Variants in TMEFF1 observed in about 807,000 individuals in gnomAD.
TMEFF1 encodes the protein transmembrane protein with EGF like and two follistatin like domains 1.
In TMEFF1, 20 loss-of-function variants were observed where a neutral mutation model predicts 47.5. That is an observed-to-expected ratio of 0.42 (90% CI 0.30 to 0.61). The LOEUF (loss-of-function observed/expected upper bound fraction) is 0.61, where lower values mean the gene tolerates loss of function less well. Ranked by LOEUF, TMEFF1 falls within the 20% of genes least tolerant of loss-of-function variation. The pLI, the probability that TMEFF1 is intolerant of heterozygous loss-of-function variation, is 0.19. For missense variants in TMEFF1, 411 were observed against 471.1 expected, an observed-to-expected ratio of 0.87 and a Z score of 1.18; for synonymous variants, 162 against 166.3, an observed-to-expected ratio of 0.97 and a Z score of 0.20.
chr9:100,496,755 G>A (rs537762091), intron 1 of TMEFF1, among the ~76,000 whole-genome samples: 121 of 152,298 alleles, frequency 7.9e-4, no homozygotes, highest in Admixed American at 1.8e-3. Flanking sequence ...ATAACTCAGA[G>A]TATTATCTTG....
chr9:100,518,637 C>A, intron 5 of TMEFF1: 1 of 323,024 alleles, frequency 3.1e-6, no homozygotes, highest in Non-Finnish European at 4.5e-6. Context: ...TTTGATCCTT[C>A]TATGGAAAGA....
intron 1 of TMEFF1, among the ~76,000 whole-genome samples, chr9:100,490,482 T>A (rs954402619): frequency 6.6e-6 from 1 of 152,200 alleles, no homozygotes; most frequent in South Asian, 2.1e-4. Context: ...GTTGAAGTCA[T>A]ATCTGGGAAA....
At chr9:100,512,314 G>A (rs571552860) in intron 3 of TMEFF1, among the ~76,000 whole-genome samples, 1 of 152,110 alleles carries the variant, frequency 6.6e-6, no homozygotes, top group Admixed American at 6.5e-5. Flanking sequence ...TTTTACAATG[G>A]GTACTGCATA....
At chr9:100,542,596 A>G (rs752435353) in intron 5 of TMEFF1, among the ~76,000 whole-genome samples, 3 of 152,200 alleles carry the variant, frequency 2.0e-5, no homozygotes, top group Non-Finnish European at 2.9e-5. Context: ...GCTATAAACA[A>G]TTTGGCTTCA....
chr9:100,481,401 A>T (rs1429197940), intron 1 of TMEFF1, among the ~76,000 whole-genome samples: 4 of 152,218 alleles, frequency 2.6e-5, no homozygotes, highest in African/African-American at 7.2e-5. Context: ...CTGAACATAG[A>T]TGAATGAACA....
rs992584958 is a variant in TMEFF1 at position 100,526,822 on chromosome 9, T to C, written c.560+10051T>C. Among the ~76,000 whole-genome samples the C allele has an allele frequency of 3.3e-5, 5 of 151,350 alleles. No homozygotes were observed. In the South Asian group the frequency reaches 1.0e-3, roughly 32 times the overall value. On this transcript the variant is annotated intron_variant, in intron 5 of 9. Coordinates refer to ENST00000374879, the MANE Select transcript of TMEFF1 (RefSeq NM_003692.5). ...TGGATGACTTTGTGTAAGAGTGAAA[T>C]TATCTACTTTTGGCCGGGCATGGTG...
chr9:100,537,127 A>G (rs2118473939), intron 5 of TMEFF1, among the ~76,000 whole-genome samples: 1 of 152,362 alleles, frequency 6.6e-6, no homozygotes, highest in South Asian at 2.1e-4. Context: ...GGCCATACCT[A>G]CAGAGTTGAG....
chr9:100,571,440 G>GA (rs1415406539), intron 8 of TMEFF1, among the ~76,000 whole-genome samples: 2 of 151,896 alleles, frequency 1.3e-5, no homozygotes, highest in East Asian at 3.9e-4. Context: ...TATCTATTTT[G>GA]AAAAAAATGC....
At chr9:100,481,141 ATCCACAATGTCTCTCT>A (rs1447614683) in intron 1 of TMEFF1, among the ~76,000 whole-genome samples, 1 of 152,126 alleles carries the variant, frequency 6.6e-6, no homozygotes, top group East Asian at 1.9e-4. Context: ...TCCACCTTCC[ATCCACAATGTCTCTCT>A]CATATCCTAA....
At chr9:100,493,531 T>A (rs1467243914) in intron 1 of TMEFF1, among the ~76,000 whole-genome samples, 1 of 152,164 alleles carries the variant, frequency 6.6e-6, no homozygotes, top group Admixed American at 6.5e-5. Flanking sequence ...AGCTTTGAAA[T>A]GTTAATGAAA....
chr9:100,555,277 T>C (rs575544872), intron 7 of TMEFF1, among the ~76,000 whole-genome samples: 1 of 152,284 alleles, frequency 6.6e-6, no homozygotes, highest in South Asian at 2.1e-4. Context: ...TAAGGGCTTG[T>C]TTAGGCAGGA....
intron 1 of TMEFF1, among the ~76,000 whole-genome samples, chr9:100,482,132 G>T (rs1297934173): frequency 6.6e-6 from 1 of 151,720 alleles, no homozygotes; most frequent in African/African-American, 2.4e-5. Context: ...AAAATCTGGA[G>T]GTTTCACTTG....
intron 5 of TMEFF1, among the ~76,000 whole-genome samples, chr9:100,540,752 G>T (rs1377374591): frequency 2.6e-5 from 4 of 152,192 alleles, no homozygotes; most frequent in African/African-American, 4.8e-5. Flanking sequence ...CCTTGTTTTT[G>T]ACTTTTGCCA....
chr9:100,563,987 T>C (rs1209011576), intron 8 of TMEFF1, among the ~76,000 whole-genome samples: 1 of 152,204 alleles, frequency 6.6e-6, no homozygotes, highest in Non-Finnish European at 1.5e-5. Flanking sequence ...TGTGTTTGCA[T>C]AGCAGTAAAC....
intron 7 of TMEFF1, among the ~76,000 whole-genome samples, chr9:100,560,634 G>C (rs1838998214): frequency 6.6e-6 from 1 of 152,082 alleles, no homozygotes; most frequent in Admixed American, 6.6e-5. Context: ...CATCTTTCCT[G>C]ACCTGTTCCA....
chr9:100,544,445 C>T (rs1470577838), intron 5 of TMEFF1, among the ~76,000 whole-genome samples: 1 of 152,170 alleles, frequency 6.6e-6, no homozygotes, highest in Non-Finnish European at 1.5e-5. Flanking sequence ...TCTTGTGAGA[C>T]TCATTCACTA....
chr9:100,480,887 A>G (rs1837326741), intron 1 of TMEFF1, among the ~76,000 whole-genome samples: 2 of 152,360 alleles, frequency 1.3e-5, no homozygotes, highest in South Asian at 4.1e-4. Flanking sequence ...CCTGAGGAAG[A>G]TACAGATGTG....
At chr9:100,569,335 A>G (rs535048355) in intron 8 of TMEFF1, among the ~76,000 whole-genome samples, 88 of 152,232 alleles carry the variant, frequency 5.8e-4, no homozygotes, top group African/African-American at 2.0e-3. Context: ...CTTATTGGCT[A>G]TTTGTATATC....
At chr9:100,508,389 A>T (rs1837900769) in intron 2 of TMEFF1, among the ~76,000 whole-genome samples, 1 of 152,026 alleles carries the variant, frequency 6.6e-6, no homozygotes, top group Non-Finnish European at 1.5e-5. Context: ...CTCAGTTCAT[A>T]TTCCACTTTC....
Sources: gnomAD v4.1 joint callset for allele counts (sites outside exome capture counted in the v4.1 genomes callset) on GRCh38, gnomAD v4.1.1 for gene constraint, MANE v1.5 for transcripts, NCBI Gene and HGNC (gene_info 2026-07-23, HGNC 2026-07-21) for gene names.